RALYL: variants seen among roughly 807,000 people sequenced by gnomAD.
RALYL encodes RALY RNA binding protein like, also known as RNA-binding Raly-like protein.
Under a neutral mutation model 35.1 loss-of-function variants are expected in RALYL, and 29 were observed. The ratio of observed to expected loss-of-function variants is 0.83; its 90% CI spans 0.61 to 1.13. The LOEUF (loss-of-function observed/expected upper bound fraction) is 1.13. Ranked by LOEUF, RALYL falls within the 50% of genes most tolerant of loss-of-function variation. The pLI is 0.00. For synonymous variants in RALYL, 120 were observed against 127.6 expected, an observed-to-expected ratio of 0.94 and a Z score of 0.40; for missense variants, 359 against 360.4, an observed-to-expected ratio of 1.00 and a Z score of 0.03.
chr8:84,562,969 C>A (rs1031115128), intron 2 of RALYL, among the ~76,000 whole-genome samples: 1 of 151,860 alleles, frequency 6.6e-6, no homozygotes, highest in East Asian at 1.9e-4. Context: ...AACACCTAGA[C>A]AAAGCTTTCC....
At chr8:84,467,102 T>C (rs1415998158) in intron 1 of RALYL, among the ~76,000 whole-genome samples, 1 of 152,034 alleles carries the variant, frequency 6.6e-6, no homozygotes, top group African/African-American at 2.4e-5. Flanking sequence ...AGCTCCTGGA[T>C]TCATTAATTT....
intron 2 of RALYL, among the ~76,000 whole-genome samples, chr8:84,537,161 A>ATT: frequency 1.6e-4 from 1 of 6,362 alleles, no homozygotes; most frequent in Non-Finnish European, 4.2e-4. Flanking sequence ...ATATATATTA[A>ATT]AAAAAAAAAA....
chr8:84,690,535 G>A (rs1172861121), intron 2 of RALYL, among the ~76,000 whole-genome samples: 2 of 152,002 alleles, frequency 1.3e-5, no homozygotes, highest in African/African-American at 2.4e-5. Flanking sequence ...TAATGGATGT[G>A]TTAAGTGGCT....
At chr8:84,542,133 T>G (rs2060058928) in intron 2 of RALYL, among the ~76,000 whole-genome samples, 1 of 152,136 alleles carries the variant, frequency 6.6e-6, no homozygotes, top group South Asian at 2.1e-4. Flanking sequence ...AGATTAATGT[T>G]TCTTTTATTG....
At chr8:84,361,899 G>T (rs1853122509) in intron 1 of RALYL, among the ~76,000 whole-genome samples, 1 of 152,194 alleles carries the variant, frequency 6.6e-6, no homozygotes, top group Non-Finnish European at 1.5e-5. Flanking sequence ...CCCTGTTTTA[G>T]AGTGAGAAGT....
intron 1 of RALYL, among the ~76,000 whole-genome samples, chr8:84,484,807 G>A (rs902373349): frequency 2.0e-5 from 3 of 152,104 alleles, no homozygotes; most frequent in African/African-American, 2.4e-5. Context: ...GGGGCATGAT[G>A]AGCTTAAACT....
chr8:84,228,946 G>A (rs981531817), intron 1 of RALYL, among the ~76,000 whole-genome samples: 1 of 152,082 alleles, frequency 6.6e-6, no homozygotes, highest in African/African-American at 2.4e-5. Context: ...TGACACATGG[G>A]TATTATTACA....
intron 2 of RALYL, among the ~76,000 whole-genome samples, chr8:84,660,282 T>C (rs1299873863): frequency 2.0e-5 from 3 of 152,090 alleles, no homozygotes; most frequent in Non-Finnish European, 4.4e-5. Context: ...TTTATTTCTC[T>C]TTTTGTGTCC....
At chr8:84,661,507 A>C (rs1477869126) in intron 2 of RALYL, among the ~76,000 whole-genome samples, 3 of 151,818 alleles carry the variant, frequency 2.0e-5, no homozygotes, top group Admixed American at 2.0e-4. Flanking sequence ...TTTTTGATTG[A>C]ATTTAATCAA....
chr8:84,804,052 A>C lies in RALYL; in HGVS notation c.333-718A>C, dbSNP rs191090637. ...AAGTGGATGCTTTCCTGATTTACTT[A>C]CATGTTGTAAAAAAAATGGAAAGTT... On this transcript the variant is annotated intron_variant, in intron 3 of 8. Coordinates refer to ENST00000521268, the MANE Select transcript of RALYL (RefSeq NM_173848.7). Among the ~76,000 whole-genome samples, 8 of 152,328 alleles carry C rather than the reference A, an allele frequency of 5.3e-5. No homozygotes were observed. The East Asian group carries it at 1.5e-3, about 29-fold the overall frequency.
chr8:84,428,193 C>A (rs2046749744), intron 1 of RALYL, among the ~76,000 whole-genome samples: 2 of 151,270 alleles, frequency 1.3e-5, no homozygotes, highest in South Asian at 4.2e-4. Flanking sequence ...AAATAAATAA[C>A]TCTATAGAAT....
chr8:84,490,658 C>T (rs932474870), intron 1 of RALYL, among the ~76,000 whole-genome samples: 6 of 151,216 alleles, frequency 4.0e-5, no homozygotes, highest in African/African-American at 1.5e-4. Flanking sequence ...GTGGGCATTT[C>T]CAAGAATATA....
intron 2 of RALYL, among the ~76,000 whole-genome samples, chr8:84,726,211 G>C (rs896314832): frequency 2.0e-5 from 3 of 146,396 alleles, no homozygotes; most frequent in African/African-American, 7.4e-5. Flanking sequence ...AAATAAAATT[G>C]TGTATAATTT....
intron 1 of RALYL, among the ~76,000 whole-genome samples, chr8:84,319,653 A>G (rs2130333770): frequency 6.6e-6 from 1 of 152,264 alleles, no homozygotes; most frequent in East Asian, 1.9e-4. Context: ...GTCTTTAAAA[A>G]GTCTTAATAT....
chr8:84,541,898 G>T (rs1029918133), intron 2 of RALYL, among the ~76,000 whole-genome samples: 5 of 151,820 alleles, frequency 3.3e-5, no homozygotes, highest in African/African-American at 9.7e-5. Context: ...TGTTTGTATG[G>T]TATATCATTT....
intron 2 of RALYL, among the ~76,000 whole-genome samples, chr8:84,713,275 A>G (rs1432122115): frequency 6.6e-6 from 1 of 152,016 alleles, no homozygotes; most frequent in Non-Finnish European, 1.5e-5. Flanking sequence ...GCTTAGATTT[A>G]TGGCTGGACT....
intron 2 of RALYL, among the ~76,000 whole-genome samples, chr8:84,668,143 T>C (rs1832447940): frequency 6.6e-6 from 1 of 152,168 alleles, no homozygotes; most frequent in Non-Finnish European, 1.5e-5. Flanking sequence ...TTCATGGGGT[T>C]CTGTGTCTGT....
chr8:84,813,513 A>ACAT (rs1826395498), intron 4 of RALYL, among the ~76,000 whole-genome samples: 2 of 152,344 alleles, frequency 1.3e-5, no homozygotes, highest in Admixed American at 6.5e-5. Context: ...ATGGTTTATT[A>ACAT]CATCAGTTGA....
At chr8:84,298,377 G>A (rs928212806) in intron 1 of RALYL, among the ~76,000 whole-genome samples, 10 of 151,670 alleles carry the variant, frequency 6.6e-5, no homozygotes, top group East Asian at 1.9e-4. Context: ...CTTTCTATTC[G>A]GTTCCATTGT....
Sources: gnomAD v4.1 joint callset for allele counts (sites outside exome capture counted in the v4.1 genomes callset) on GRCh38, gnomAD v4.1.1 for gene constraint, MANE v1.5 for transcripts, NCBI Gene and HGNC (gene_info 2026-07-23, HGNC 2026-07-21) for gene names.